Variants in DNAJC19 observed in about 807,000 individuals in gnomAD.
DNAJC19 encodes the protein mitochondrial import inner membrane translocase subunit TIM14.
DNAJC19 carries 15 observed loss-of-function variants against 19.8 expected under a neutral mutation model. The observed-to-expected ratio is 0.76, with a 90% CI of 0.51 to 1.17. DNAJC19 has a LOEUF of 1.17. DNAJC19 is among the 50% of genes most tolerant of loss of function. DNAJC19 has a pLI of 0.00. For missense variants in DNAJC19, 105 were observed against 140.9 expected, an observed-to-expected ratio of 0.75 and a Z score of 1.29; for synonymous variants, 38 against 42.1, an observed-to-expected ratio of 0.90 and a Z score of 0.38.
intron 3 of DNAJC19, 79 bp downstream of exon 3, chr3:180,987,944 G>A (rs1280901259): frequency 3.5e-5 from 54 of 1,524,396 alleles, no homozygotes; most frequent in Non-Finnish European, 4.9e-5. Flanking sequence ...AGAACTTCAT[G>A]GATATTTGGA....
At chr3:180,987,221 C>T (rs2108509030) in intron 3 of DNAJC19, 199 bp from the exon 4 acceptor site, 4 of 598,802 alleles carry the variant, frequency 6.7e-6, no homozygotes, top group African/African-American at 5.6e-5. Flanking sequence ...GATCATTAAA[C>T]AGATTCATTT....
rs866620770 is a variant in DNAJC19 at position 180,985,839 on chromosome 3, T to C, written c.280+87A>G. On this transcript the variant is annotated intron_variant, in intron 5 of 5. Transcript: ENST00000382564. ...CTTACAGATTTAAGTGTTACCTTTC[T>C]AATAGCCAGGAATTTGAGATAAAAT... 1.3e-4 allele frequency: 158 copies of C among 1,185,468 alleles called. 2 individuals are homozygous for C. The Middle Eastern group carries it at 3.4e-3, about 26-fold the overall frequency. The allele number at this position is 1,185,468 out of a possible 1,614,324, so 73.4% of individuals were successfully genotyped here. A position where few individuals can be genotyped will look rare whatever the true frequency, so the allele number is the denominator to read the frequency against.
At chr3:180,988,902 T>C (rs1008250368) in intron 1 of DNAJC19, among the ~76,000 whole-genome samples, 3 of 149,624 alleles carry the variant, frequency 2.0e-5, no homozygotes, top group Non-Finnish European at 3.0e-5. Flanking sequence ...CCCAGCTACT[T>C]GGGAGGCTGA....
At chr3:180,988,269 T>C in intron 1 of DNAJC19, 40 bp from the exon 2 acceptor site, 1 of 1,611,462 alleles carries the variant, frequency 6.2e-7, no homozygotes, top group Non-Finnish European at 8.5e-7. Context: ...CTTCTCTAAT[T>C]CCCACCCTTT....
chr3:180,989,406 G>A, intron 1 of DNAJC19, 194 bp downstream of exon 1: 1 of 1,440,986 alleles, frequency 6.9e-7, no homozygotes. Context: ...GCAGAAAGAC[G>A]ATGTAAAAAC....
rs189971616 is a variant in DNAJC19, at chr3:180,987,630, T to C, written c.129+393A>G. ...CCTATAGCCTAATTAACTAGAGTGCTACCTATGTATGATGTTTGGGAGTGC... is the reference window on the plus strand; with the variant it reads ...CCTATAGCCTAATTAACTAGAGTGCCACCTATGTATGATGTTTGGGAGTGC... On this transcript the variant is annotated intron_variant, in intron 3 of 5. Transcript: ENST00000382564. 1.6e-5 allele frequency: 5 copies of C among 316,812 alleles called. No homozygotes were observed. In the East Asian group the frequency reaches 4.0e-4, roughly 25 times the overall value. The allele number at this position is 316,812 out of a possible 1,614,324, so 19.6% of individuals were successfully genotyped here.
intron 5 of DNAJC19, among the ~76,000 whole-genome samples, chr3:180,984,917 T>G (rs1714821986): frequency 6.6e-6 from 1 of 152,028 alleles, no homozygotes; most frequent in South Asian, 2.1e-4. Context: ...ATGAAGTAAT[T>G]TACGTGGGAG....
In DNAJC19 at chr3:180,984,150, T is replaced by C. The variant is rs186247662; in HGVS notation, c.*490A>G. 1.5e-5 allele frequency: 7 copies of C among 453,954 alleles called. No homozygotes were observed. Among genetic ancestry groups the C allele is most frequent in the Admixed American group, 2.4e-5 (1 of 42,548 alleles). The allele number at this position is 453,954 out of a possible 1,614,324, so 28.1% of individuals were successfully genotyped here. A position where few individuals can be genotyped will look rare whatever the true frequency, so the allele number is the denominator to read the frequency against. Reference sequence around the variant, plus strand: ...TTCTTAGGTCTCAGTTGTGGTTAAATTCACTTTTAAATACAAGGTTCCAAG... The same window carrying C: ...TTCTTAGGTCTCAGTTGTGGTTAAACTCACTTTTAAATACAAGGTTCCAAG... On this transcript the variant is annotated 3_prime_UTR_variant, in exon 6 of 6. Coordinates refer to ENST00000382564, the MANE Select transcript of DNAJC19 (RefSeq NM_145261.4).
In DNAJC19 at chr3:180,988,013, A is replaced by G; in HGVS notation, c.129+10T>C. On this transcript the variant is annotated intron_variant, in intron 3 of 5. Transcript: ENST00000382564. ...CAAATAGAAGCAGCAAAGAATTAACAAAGTCTTACAGATTTTGGTAGGCTT... is the reference window on the plus strand; with the variant it reads ...CAAATAGAAGCAGCAAAGAATTAACGAAGTCTTACAGATTTTGGTAGGCTT... 1 of 1,614,116 alleles carries G rather than the reference A, an allele frequency of 6.2e-7. No individual in the cohort carries two copies. Among genetic ancestry groups the G allele is most frequent in the Middle Eastern group, 1.7e-4 (1 of 6,060 alleles).
chr3:180,989,709 C>G lies in DNAJC19; in HGVS notation c.-107G>C. ...TACCAGAGAGCGACGCAACCCCCAA[C>G]CTCAAGCACAGGCGCCCTACGCAAC... On this transcript the variant is annotated 5_prime_UTR_variant, in exon 1 of 6. Coordinates refer to ENST00000382564, the MANE Select transcript of DNAJC19 (RefSeq NM_145261.4). The G allele has an allele frequency of 6.5e-7, 1 of 1,536,672 alleles. No homozygotes were observed. Among genetic ancestry groups the G allele is most frequent in the Non-Finnish European group, 8.8e-7 (1 of 1,138,788 alleles).
At chr3:180,988,317 A>C (rs1414244295) in intron 1 of DNAJC19, 88 bp from the exon 2 acceptor site, 4 of 1,487,440 alleles carry the variant, frequency 2.7e-6, no homozygotes, top group Non-Finnish European at 3.7e-6. Context: ...ACTCATTACA[A>C]ACTGCATTTT....
chr3:180,989,551 T>G, intron 1 of DNAJC19, 49 bp downstream of exon 1: 1 of 1,562,572 alleles, frequency 6.4e-7, no homozygotes, highest in East Asian at 2.4e-5. Flanking sequence ...GGAGCTGAGG[T>G]TGAGGCCTGG....
At chr3:180,989,287 T>G in intron 1 of DNAJC19, 8 of 1,359,502 alleles carry the variant, frequency 5.9e-6, no homozygotes, top group Non-Finnish European at 6.6e-6. Flanking sequence ...GCACTTATAA[T>G]CAAATACGTT....
rs762130203 is a variant in DNAJC19 at position 180,984,124 on chromosome 3, T to C, written c.*516A>G. ...ACACACACACACACCCCTAGGTCAA[T>C]TTCTTAGGTCTCAGTTGTGGTTAAA... On this transcript the variant is annotated 3_prime_UTR_variant, in exon 6 of 6. Transcript: ENST00000382564. The C allele has an allele frequency of 9.3e-5, 42 of 453,958 alleles. No individual in the cohort carries two copies. Among genetic ancestry groups the C allele is most frequent in the Non-Finnish European group, 3.1e-5 (7 of 226,768 alleles). The allele number at this position is 453,958 out of a possible 1,614,324, so 28.1% of individuals were successfully genotyped here.
chr3:180,988,363 T>TC, intron 1 of DNAJC19, 134 bp from the exon 2 acceptor site: 1 of 1,087,240 alleles, frequency 9.2e-7, no homozygotes. Flanking sequence ...CTTTTTTTTT[T>TC]TTTTTTTTTA....
At position 180,984,628 on chromosome 3, in the gene DNAJC19, C is replaced by T. The variant is rs1023070337; in HGVS notation, c.*12G>A. On this transcript the variant is annotated 3_prime_UTR_variant, in exon 6 of 6. Transcript: ENST00000382564. Reference sequence around the variant, plus strand: ...AAACTAATACGAACTTAAAATTCATCATACATTTACTTCATTTTTTAGCTT... The same window carrying T: ...AAACTAATACGAACTTAAAATTCATTATACATTTACTTCATTTTTTAGCTT... The T allele has an allele frequency of 1.9e-6, 3 of 1,579,834 alleles. No homozygotes were observed. In the Admixed American group the frequency reaches 5.1e-5, roughly 27 times the overall value.
chr3:180,986,859 A>T, intron 4 of DNAJC19, 84 bp downstream of exon 4: 1 of 1,145,234 alleles, frequency 8.7e-7, no homozygotes, highest in South Asian at 1.2e-5. Context: ...ACCCTCTCCT[A>T]TTAAAGGAGA....
rs764813798 is a variant in DNAJC19, at chr3:180,984,724, G to GAA, written c.281-16_281-15dup. On this transcript the variant is annotated splice_polypyrimidine_tract_variant and intron_variant, in intron 5 of 5. Transcript: ENST00000382564. The stretch of plus-strand genomic sequence containing the variant: ...AAGGAGATCCTCCTATAGGAAGAAA[G>GAA]AAAAAAGAACAGTTACAATATGGAT... 3 of 1,577,338 alleles carry GAA rather than the reference G, an allele frequency of 1.9e-6. No individual in the cohort carries two copies. The highest frequency in any genetic ancestry group is 2.6e-6 in the Non-Finnish European group (3 of 1,153,364).
upstream of DNAJC19, chr3:180,989,761 C>G (rs1056218563): frequency 4.9e-6 from 6 of 1,228,262 alleles, no homozygotes; most frequent in African/African-American, 7.5e-5. Context: ...CAAACTAGGC[C>G]GGAAAACTGT....
Sources: gnomAD v4.1 joint callset for allele counts (sites outside exome capture counted in the v4.1 genomes callset) on GRCh38, gnomAD v4.1.1 for gene constraint, MANE v1.5 for transcripts, NCBI Gene and HGNC (gene_info 2026-07-23, HGNC 2026-07-21) for gene names.